ASTN2: variants seen among roughly 807,000 people sequenced by gnomAD.
ASTN2 encodes the protein astrotactin 2, also known as astrotactin-2.
ASTN2 carries 54 observed loss-of-function variants against 139.8 expected under a neutral mutation model. The observed-to-expected ratio is 0.39, with a 90% CI of 0.31 to 0.48. ASTN2 has a LOEUF of 0.48. Among genes scored for constraint, ASTN2 ranks in the 20% least tolerant of loss-of-function variants. The probability of loss-of-function intolerance (pLI) is 0.95; values close to 1 mark genes in which losing one functional copy is unlikely to be tolerated. For synonymous variants in ASTN2, 756 were observed against 719.5 expected (o/e 1.05, Z -0.81); for missense variants, 1,565 against 1,725.1 (o/e 0.91, Z 1.64).
At chr9:116,536,674 A>C (rs907693869) in intron 19 of ASTN2, among the ~76,000 whole-genome samples, 1 of 152,234 alleles carries the variant, frequency 6.6e-6, no homozygotes, top group Non-Finnish European at 1.5e-5. Flanking sequence ...AACATCGAAT[A>C]TTGCTGAACA....
intron 10 of ASTN2, among the ~76,000 whole-genome samples, chr9:116,973,134 A>G (rs1470886709): frequency 2.6e-5 from 4 of 152,168 alleles, no homozygotes; most frequent in African/African-American, 7.2e-5. Flanking sequence ...CAGATCAGGG[A>G]TTGAAATGTG....
intron 16 of ASTN2, among the ~76,000 whole-genome samples, chr9:116,692,579 G>A (rs539842210): frequency 3.3e-5 from 5 of 152,174 alleles, no homozygotes; most frequent in African/African-American, 7.2e-5. Flanking sequence ...ACTTGCTCAC[G>A]TCTCCACAAT....
intron 13 of ASTN2, among the ~76,000 whole-genome samples, chr9:116,779,067 T>C (rs547383475): frequency 6.6e-6 from 1 of 151,848 alleles, no homozygotes; most frequent in African/African-American, 2.4e-5. Context: ...CAAATACAAC[T>C]CTACCCCATG....
intron 5 of ASTN2, among the ~76,000 whole-genome samples, chr9:117,044,819 A>C (rs1241653515): frequency 1.3e-5 from 2 of 152,230 alleles, no homozygotes; most frequent in Non-Finnish European, 2.9e-5. Flanking sequence ...TAAACAAAAC[A>C]GCGAAAGCCC....
intron 10 of ASTN2, among the ~76,000 whole-genome samples, chr9:116,881,929 A>C (rs552357260): frequency 7.9e-6 from 1 of 126,156 alleles, no homozygotes; most frequent in East Asian, 2.0e-4. Context: ...CAACTTAATG[A>C]ATGGAGTTTT....
At position 117,412,450 on chromosome 9, in the gene ASTN2, T is replaced by C. The variant is rs916638532; in HGVS notation, c.442+2047A>G. Among the ~76,000 whole-genome samples, 10 of 152,260 alleles carry C rather than the reference T, an allele frequency of 6.6e-5. No homozygotes were observed. In the East Asian group the frequency reaches 1.9e-3, roughly 30 times the overall value. ...TGGGGGAATCAAGACTTCTAATTCC[T>C]CGCTCAGGTCCTCACTCAGCTTGTC... On this transcript the variant is annotated intron_variant, in intron 1 of 22. Transcript: ENST00000313400.
intron 13 of ASTN2, among the ~76,000 whole-genome samples, chr9:116,766,897 TTAAACACACACATTCATACTTACACA>T (rs1333138816): frequency 1.3e-5 from 2 of 149,816 alleles, no homozygotes; most frequent in Admixed American, 6.6e-5. Flanking sequence ...TCACATACAC[TTAAACACACACATTCATACTTACACA>T]TAAACACACA....
chr9:116,604,064 A>G (rs1424764834), intron 19 of ASTN2, among the ~76,000 whole-genome samples: 1 of 152,064 alleles, frequency 6.6e-6, no homozygotes, highest in Non-Finnish European at 1.5e-5. Flanking sequence ...CACCCACCAT[A>G]CTATCCCAGC....
At chr9:116,849,759 T>A (rs1440441206) in intron 11 of ASTN2, among the ~76,000 whole-genome samples, 1 of 152,156 alleles carries the variant, frequency 6.6e-6, no homozygotes, top group East Asian at 1.9e-4. Flanking sequence ...CGCTTCCCCA[T>A]CTCTTGTCAC....
intron 16 of ASTN2, among the ~76,000 whole-genome samples, chr9:116,696,819 A>G (rs889940802): frequency 7.2e-5 from 11 of 152,148 alleles, no homozygotes; most frequent in Admixed American, 2.6e-4. Context: ...GTAGGAGGAT[A>G]GATGCGTGGA....
intron 20 of ASTN2, among the ~76,000 whole-genome samples, chr9:116,447,386 C>G (rs1045162383): frequency 6.6e-6 from 1 of 152,168 alleles, no homozygotes; most frequent in Admixed American, 6.5e-5. Context: ...TCTTCAGGAT[C>G]AGAATATGGT....
intron 1 of ASTN2, among the ~76,000 whole-genome samples, chr9:117,343,003 G>T (rs1265608687): frequency 6.6e-6 from 1 of 152,178 alleles, no homozygotes; most frequent in Non-Finnish European, 1.5e-5. Flanking sequence ...GGCTTCCAAA[G>T]TTAGGCAAGG....
At position 116,948,785 on chromosome 9, in the gene ASTN2, G is replaced by GTTTTTTTTTTTTGTTTT. The variant is rs1835471789; in HGVS notation, c.1889+26422_1889+26423insAAAACAAAAAAAAAAAA. Among the ~76,000 whole-genome samples the GTTTTTTTTTTTTGTTTT allele has an allele frequency of 3.2e-4, 16 of 49,470 alleles. 1 individual carries two copies. The highest frequency in any genetic ancestry group is 4.0e-4 in the Non-Finnish European group (12 of 29,800). The allele number at this position is 49,470 out of a possible 152,430, so 32.5% of individuals were successfully genotyped here. A position where few individuals can be genotyped will look rare whatever the true frequency, so the allele number is the denominator to read the frequency against. Reference sequence around the variant, plus strand: ...AGAGAGAGGAGAGAAATAATTTGGTGTTTTTTTTTTTTTTTTTTTTTTTTT... The same window carrying GTTTTTTTTTTTTGTTTT: ...AGAGAGAGGAGAGAAATAATTTGGTGTTTTTTTTTTTTGTTTTTTTTTTTTTTTTTTTTTTTTTTTTT... On this transcript the variant is annotated intron_variant, in intron 10 of 22. Coordinates refer to ENST00000313400, the MANE Select transcript of ASTN2 (RefSeq NM_001365068.1).
chr9:117,401,285 C>T (rs953909912), intron 1 of ASTN2, among the ~76,000 whole-genome samples: 1 of 152,126 alleles, frequency 6.6e-6, no homozygotes, highest in Non-Finnish European at 1.5e-5. Flanking sequence ...GAACAAGACA[C>T]ACTCCCTGCC....
intron 16 of ASTN2, among the ~76,000 whole-genome samples, chr9:116,721,654 T>C (rs1828475853): frequency 6.6e-6 from 1 of 152,134 alleles, no homozygotes; most frequent in South Asian, 2.1e-4. Flanking sequence ...AGGGATGACT[T>C]TGGCTGCTCT....
intron 20 of ASTN2, among the ~76,000 whole-genome samples, chr9:116,469,485 A>T (rs1848747394): frequency 6.6e-6 from 1 of 152,128 alleles, no homozygotes; most frequent in Non-Finnish European, 1.5e-5. Flanking sequence ...GCAGGAGGGA[A>T]TATAGTTCAG....
chr9:116,513,261 G>A (rs751179729), intron 19 of ASTN2, among the ~76,000 whole-genome samples: 11 of 152,088 alleles, frequency 7.2e-5, no homozygotes, highest in Admixed American at 3.9e-4. Context: ...CACTTATGAA[G>A]CTTAGTTTCG....
intron 5 of ASTN2, among the ~76,000 whole-genome samples, chr9:117,092,431 C>T (rs72760110): frequency 0.11 from 16,552 of 152,092 alleles, 1,121 homozygotes; most frequent in Middle Eastern, 0.18. Flanking sequence ...CACACAGAAA[C>T]GTGGTGGCAA....
chr9:116,713,967 C>T (rs1205350255), intron 16 of ASTN2, among the ~76,000 whole-genome samples: 1 of 152,114 alleles, frequency 6.6e-6, no homozygotes, highest in Non-Finnish European at 1.5e-5. Context: ...TAAGTTTTCA[C>T]ATTAGGAAGA....
Sources: gnomAD v4.1 joint callset for allele counts (sites outside exome capture counted in the v4.1 genomes callset) on GRCh38, gnomAD v4.1.1 for gene constraint, MANE v1.5 for transcripts, NCBI Gene and HGNC (gene_info 2026-07-23, HGNC 2026-07-21) for gene names.